ADGRB1: variants seen among roughly 807,000 people sequenced by gnomAD.
The protein encoded by ADGRB1 is brain-specific angiogenesis inhibitor 1.
ADGRB1 carries 36 observed loss-of-function variants against 175.7 expected under a neutral mutation model. The observed-to-expected ratio is 0.20, with a 90% confidence interval of 0.16 to 0.27. ADGRB1 has a LOEUF of 0.27. ADGRB1 is among the 10% of genes least tolerant of loss of function. The pLI, the probability that ADGRB1 is intolerant of heterozygous loss-of-function variation, is 1.00. For synonymous variants in ADGRB1, 1,054 were observed against 979.4 expected (o/e 1.08, Z -1.42); for missense variants, 1,731 against 2,255.3 (o/e 0.77, Z 4.71).
chr8:142,539,549 G>C, intron 27 of ADGRB1, 136 bp downstream of exon 27: 2 of 1,111,506 alleles, frequency 1.8e-6, no homozygotes, highest in Non-Finnish European at 2.6e-6. Context: ...CAGCCACACC[G>C]TCAGGCCCAC....
intron 13 of ADGRB1, among the ~76,000 whole-genome samples, chr8:142,485,612 A>T (rs917193626): frequency 4.6e-5 from 7 of 152,224 alleles, no homozygotes; most frequent in African/African-American, 1.7e-4. Flanking sequence ...TATGACCAGG[A>T]TCAGCTGAGC....
rs1178924809 is a variant in ADGRB1, at chr8:142,449,822, C to G, written c.-502C>G. 6.3e-4 allele frequency: 92 copies of G among 146,548 alleles called. No homozygotes were observed. The South Asian group carries it at 0.018, about 29-fold the overall frequency. 9.1% of individuals were successfully genotyped at this position (146,548 alleles called of 1,614,324 possible). A position where few individuals can be genotyped will look rare whatever the true frequency, so the allele number is the denominator to read the frequency against. ...GCCGCGTCCTGGCCCGGCCCGGGCCCGCGCGCCAGCATCGTCCGCAGCGCG... is the reference window on the plus strand; with the variant it reads ...GCCGCGTCCTGGCCCGGCCCGGGCCGGCGCGCCAGCATCGTCCGCAGCGCG... On this transcript the variant is annotated 5_prime_UTR_variant, in exon 1 of 31. Transcript: ENST00000517894.
chr8:142,529,866 C>T (rs1844502804), intron 24 of ADGRB1, among the ~76,000 whole-genome samples: 1 of 139,152 alleles, frequency 7.2e-6, no homozygotes, highest in South Asian at 2.5e-4. Flanking sequence ...GTGGGTGCAA[C>T]CTGGTGTGTA....
At chr8:142,512,400 C>G (rs890616721) in intron 18 of ADGRB1, among the ~76,000 whole-genome samples, 1 of 152,200 alleles carries the variant, frequency 6.6e-6, no homozygotes, top group African/African-American at 2.4e-5. Flanking sequence ...ACTGGGCAGC[C>G]TTTCTGGGCC....
At chr8:142,500,959 T>C (rs1458636821) in intron 17 of ADGRB1, among the ~76,000 whole-genome samples, 2 of 152,100 alleles carry the variant, frequency 1.3e-5, no homozygotes, top group African/African-American at 4.8e-5. Context: ...GTGATGGTGG[T>C]GGCCGTCCCT....
intron 2 of ADGRB1, among the ~76,000 whole-genome samples, chr8:142,469,729 G>A (rs190724327): frequency 6.6e-6 from 1 of 152,276 alleles, no homozygotes; most frequent in Non-Finnish European, 1.5e-5. Flanking sequence ...GCATGCACAT[G>A]CATGTGTGTG....
chr8:142,484,116 C>G (rs962714563), intron 12 of ADGRB1, 71 bp downstream of exon 12: 9 of 1,428,772 alleles, frequency 6.3e-6, no homozygotes, highest in Admixed American at 4.4e-5. Context: ...TCCCTGGTCT[C>G]CAGTCGGCCT....
At chr8:142,491,379 G>A (rs1309641150) in intron 17 of ADGRB1, among the ~76,000 whole-genome samples, 2 of 152,256 alleles carry the variant, frequency 1.3e-5, no homozygotes. Context: ...GTGGGGTTCC[G>A]CAAGGAGCAG....
chr8:142,526,506 C>A, intron 23 of ADGRB1, 36 bp from the exon 24 acceptor site: 1 of 1,258,046 alleles, frequency 7.9e-7, no homozygotes, highest in Non-Finnish European at 1.1e-6. Context: ...TACGGCGGCC[C>A]CCACCCCCAC....
At chr8:142,541,293 C>T (rs182860513) in intron 27 of ADGRB1, among the ~76,000 whole-genome samples, 82 of 152,254 alleles carry the variant, frequency 5.4e-4, no homozygotes, top group Middle Eastern at 3.4e-3. Flanking sequence ...AACTGGAGCC[C>T]CACTCAGAGG....
At chr8:142,484,899 T>C (rs574246471) in intron 13 of ADGRB1, 135 bp downstream of exon 13, 1 of 677,326 alleles carries the variant, frequency 1.5e-6, no homozygotes, top group South Asian at 1.9e-5. Context: ...AGCCGATTTC[T>C]CAGATGGGTC....
At chr8:142,539,435 G>A in intron 27 of ADGRB1, 22 bp downstream of exon 27, 1 of 1,600,442 alleles carries the variant, frequency 6.2e-7, no homozygotes, top group South Asian at 1.1e-5. Context: ...ACAGGTGAGA[G>A]GACAGTGCCA....
chr8:142,489,252 G>T lies in ADGRB1; in HGVS notation c.2529-84G>T. ...TGTGGAGGGTGGCGGCGGGTACAGG[G>T]GCCCTCGGGGGCACCTGGGGAAGGG... On this transcript the variant is annotated intron_variant, in intron 15 of 30. Transcript: ENST00000517894. 4 of 1,558,244 alleles carry T rather than the reference G, an allele frequency of 2.6e-6. No individual in the cohort carries two copies. In the South Asian group the frequency reaches 4.5e-5, roughly 17 times the overall value.
chr8:142,526,435 G>A lies in ADGRB1; in HGVS notation c.3313-107G>A. 2 of 998,768 alleles carry A rather than the reference G, an allele frequency of 2.0e-6. 1 individual carries two copies. Among genetic ancestry groups the A allele is most frequent in the South Asian group, 2.8e-5 (2 of 71,916 alleles). 61.9% of individuals were successfully genotyped at this position (998,768 alleles called of 1,614,324 possible). A position where few individuals can be genotyped will look rare whatever the true frequency, so the allele number is the denominator to read the frequency against. On this transcript the variant is annotated intron_variant, in intron 23 of 30. Transcript: ENST00000517894. The stretch of plus-strand genomic sequence containing the variant: ...GGAGGCACGGGAGGTGACCCTGGGT[G>A]GGGTAGGGGGTCGTGGTTGGCGTAG...
At position 142,464,966 on chromosome 8, in the gene ADGRB1, C is replaced by A. The variant is rs987598780; in HGVS notation, c.768C>A (p.Gly256=). The change falls in exon 2 of 31, where the codon GGC becomes GGA. Residue 256 remains glycine (G), a synonymous_variant. Coordinates refer to ENST00000517894, the MANE Select transcript of ADGRB1 (RefSeq NM_001702.3). The stretch of plus-strand genomic sequence containing the variant: ...TCACCAGCCTGACCCAGGACCGGGG[C>A]GGGCACGGCGCCACAGGTGAGTGAC... ...NCLTSLTQDR[G]GHGATGGWKL... is the part of the protein sequence containing the mutation. 6 of 1,494,284 alleles carry A rather than the reference C, an allele frequency of 4.0e-6. No homozygotes were observed. The East Asian group carries it at 1.1e-4, about 26-fold the overall frequency. The allele number at this position is 1,494,284 out of a possible 1,614,324, so 92.6% of individuals were successfully genotyped here. A position where few individuals can be genotyped will look rare whatever the true frequency, so the allele number is the denominator to read the frequency against.
At position 142,539,325 on chromosome 8, in the gene ADGRB1, C is replaced by G. The variant is rs1334284156; in HGVS notation, c.3667-49C>G. 2.6e-6 allele frequency: 4 copies of G among 1,549,860 alleles called. No homozygotes were observed. The Admixed American group carries it at 5.8e-5, about 23-fold the overall frequency. ...AGCGGTCTGTGCACGCGTGCACACA[C>G]CCCCGCTCCCAGAGGCGCTCACCCT... On this transcript the variant is annotated intron_variant, in intron 26 of 30. Coordinates refer to ENST00000517894, the MANE Select transcript of ADGRB1 (RefSeq NM_001702.3).
In ADGRB1 at chr8:142,493,989, G is replaced by A. The variant is rs761055647; in HGVS notation, c.2675+3174G>A. Among the ~76,000 whole-genome samples the A allele has an allele frequency of 2.6e-5, 4 of 152,198 alleles. No individual in the cohort carries two copies. The highest frequency in any genetic ancestry group is 4.4e-5 in the Non-Finnish European group (3 of 68,036). On this transcript the variant is annotated intron_variant, in intron 17 of 30. Coordinates refer to ENST00000517894, the MANE Select transcript of ADGRB1 (RefSeq NM_001702.3). The surrounding 1 kb of genome is among the most constrained non-coding windows in gnomAD (Gnocchi z 5.0). ...GTTTCCACCAGGGCACCAAGGGACC[G>A]GGTCCAAGCTGGTGTGGGCCTGTGT...
rs779034715 is a variant in ADGRB1, at chr8:142,478,263, G to A, written c.1464G>A (p.Gln488=). The A allele has an allele frequency of 6.2e-7, 1 of 1,609,886 alleles. No homozygotes were observed. The highest frequency in any genetic ancestry group is 8.5e-7 in the Non-Finnish European group (1 of 1,178,762). The part of the protein sequence containing the change: ...ACSASCSQGR[Q]QRTRECNGPS... ...CCGCCAGCTGCTCCCAGGGCCGACAGCAGCGCACGCGTGAATGCAACGGGC... is the reference window on the plus strand; with the variant it reads ...CCGCCAGCTGCTCCCAGGGCCGACAACAGCGCACGCGTGAATGCAACGGGC... Residue 488 remains glutamine, a synonymous_variant, in exon 7 of 31, where the codon CAG becomes CAA. Transcript: ENST00000517894.
chr8:142,541,176 T>G (rs1845249518), intron 27 of ADGRB1, among the ~76,000 whole-genome samples: 1 of 144,692 alleles, frequency 6.9e-6, no homozygotes, highest in South Asian at 2.4e-4. Context: ...AGGAGGGGTG[T>G]GGAGGGTGGG....
Sources: allele counts gnomAD v4.1 joint callset (sites outside exome capture counted in the v4.1 genomes callset), GRCh38; gene constraint gnomAD v4.1.1; non-coding constraint Gnocchi (gnomAD v3.1); transcripts MANE v1.5; gene names NCBI Gene and HGNC (gene_info 2026-07-23, HGNC 2026-07-21).